The following EML4 variants were observed in gnomAD, a reference collection of about 807,000 sequenced individuals.
EML4 encodes EMAP like 4, also known as echinoderm microtubule-associated protein-like 4.
EML4 carries 72 observed loss-of-function variants against 129.0 expected under a neutral mutation model. That is an observed-to-expected ratio of 0.56 (90% CI 0.46 to 0.68). The LOEUF (loss-of-function observed/expected upper bound fraction) is 0.68, where lower values mean the gene tolerates loss of function less well. Among genes scored for constraint, EML4 ranks in the 30% least tolerant of loss-of-function variants. The pLI, the probability that EML4 is intolerant of heterozygous loss-of-function variation, is 0.00. For missense variants in EML4, 1,363 were observed against 1,190.6 expected (o/e 1.14, Z -2.13); for synonymous variants, 532 against 405.0 (o/e 1.31, Z -3.77).
chr2:42,210,065 CTTATATT>C (rs1672797782), intron 1 of EML4, among the ~76,000 whole-genome samples: 1 of 152,128 alleles, frequency 6.6e-6, no homozygotes, highest in African/African-American at 2.4e-5. Flanking sequence ...TTATTAATAT[CTTATATT>C]AGTATGGTAC....
At chr2:42,231,993 C>A (rs1332597657) in intron 1 of EML4, among the ~76,000 whole-genome samples, 4 of 151,866 alleles carry the variant, frequency 2.6e-5, no homozygotes, top group Admixed American at 2.6e-4. Flanking sequence ...AGATAAATTT[C>A]TGGCAGTAAT....
rs145272234 is a variant in EML4, at chr2:42,219,640, G to C, written c.26-25865G>C. Among the ~76,000 whole-genome samples, 989 of 152,238 alleles carry C rather than the reference G, an allele frequency of 6.5e-3. 11 individuals carry two copies. Among genetic ancestry groups the C allele is most frequent in the African/African-American group, 0.022 (932 of 41,546 alleles). On this transcript the variant is annotated intron_variant, in intron 1 of 22. Transcript: ENST00000318522. ...ATGCATTGAAAACCCCTTTCTGGCT[G>C]GGTGCAGTGGCTCACGCCTGTAATC...
chr2:42,192,126 A>G (rs1196190106), intron 1 of EML4, among the ~76,000 whole-genome samples: 20 of 151,360 alleles, frequency 1.3e-4, no homozygotes, highest in Admixed American at 4.6e-4. Flanking sequence ...CTGTCTCAAA[A>G]AAAAAAAAAA....
At chr2:42,316,421 T>G (rs1465478506) in intron 18 of EML4, among the ~76,000 whole-genome samples, 2 of 152,242 alleles carry the variant, frequency 1.3e-5, no homozygotes, top group Non-Finnish European at 2.9e-5. Flanking sequence ...TAAAAGAAAT[T>G]ACAGCGAAAT....
chr2:42,203,640 CTT>C (rs3038374), intron 1 of EML4, among the ~76,000 whole-genome samples: 1 of 141,366 alleles, frequency 7.1e-6, no homozygotes. Flanking sequence ...ATAGCCACCC[CTT>C]TTTTTTTTTT....
chr2:42,315,800 G>A (rs1297865845), intron 17 of EML4, among the ~76,000 whole-genome samples, 162 bp from the exon 18 acceptor site: 1 of 152,134 alleles, frequency 6.6e-6, no homozygotes, highest in Admixed American at 6.5e-5. Flanking sequence ...GGAGGATAGT[G>A]TGAGCCCAGA....
chr2:42,261,235 A>C lies in EML4; in HGVS notation c.453A>C (p.Ser151=). 1 of 1,614,112 alleles carries C rather than the reference A, an allele frequency of 6.2e-7. No individual in the cohort carries two copies. The highest frequency in any genetic ancestry group is 8.5e-7 in the Non-Finnish European group (1 of 1,179,980). ...IRASPSPQPS[S]QPLQIHRQTP... is the part of the protein sequence containing the mutation. ...CATCACCTTCTCCCCAGCCCTCTTCACAACCTCTCCAAATACACAGACAAA... is the reference window on the plus strand; with the variant it reads ...CATCACCTTCTCCCCAGCCCTCTTCCCAACCTCTCCAAATACACAGACAAA... Residue 151 remains serine (S), a synonymous_variant, in exon 4 of 23, where the codon TCA becomes TCC. Transcript: ENST00000318522.
chr2:42,318,497 TCA>T (rs1391482049), intron 19 of EML4, among the ~76,000 whole-genome samples: 1 of 152,182 alleles, frequency 6.6e-6, no homozygotes, highest in Non-Finnish European at 1.5e-5. Context: ...ACAAACAACT[TCA>T]GAGTTTAGAA....
At chr2:42,232,307 A>G (rs920688107) in intron 1 of EML4, among the ~76,000 whole-genome samples, 2 of 152,186 alleles carry the variant, frequency 1.3e-5, no homozygotes, top group African/African-American at 4.8e-5. Flanking sequence ...TTTTTGTTAT[A>G]TGCTAATTAG....
At chr2:42,250,691 G>C (rs1675709817) in intron 2 of EML4, among the ~76,000 whole-genome samples, 1 of 151,996 alleles carries the variant, frequency 6.6e-6, no homozygotes, top group African/African-American at 2.4e-5. Context: ...CAACTTTTTT[G>C]GCACTAGGGA....
At chr2:42,295,048 A>T in intron 11 of EML4, 77 bp from the exon 12 acceptor site, 2 of 1,307,268 alleles carry the variant, frequency 1.5e-6, no homozygotes, top group Non-Finnish European at 2.1e-6. Flanking sequence ...CGTTAATTGT[A>T]AGTAGCAGTA....
At chr2:42,220,242 T>C (rs1443637973) in intron 1 of EML4, among the ~76,000 whole-genome samples, 2 of 31,730 alleles carry the variant, frequency 6.3e-5, no homozygotes, top group African/African-American at 9.7e-5. Flanking sequence ...CTGTATTTTT[T>C]TTTTTTTTTT....
chr2:42,317,508 G>A lies in EML4; in HGVS notation c.2138G>A (p.Arg713Lys). 6.2e-7 allele frequency: 1 copy of A among 1,608,202 alleles called. No individual in the cohort carries two copies. Among genetic ancestry groups the A allele is most frequent in the Non-Finnish European group, 8.5e-7 (1 of 1,176,428 alleles). Residue 713 changes from arginine (R) to lysine (K), a missense_variant, in exon 19 of 23, where the codon AGA (arginine) becomes AAA (lysine). Arg to Lys is a conservative substitution (Grantham distance 26, BLOSUM62 2). Transcript: ENST00000318522. Reference protein sequence around the residue: ...VVSENGRKYSRYGRCTGHSSY... With the variant: ...VVSENGRKYSKYGRCTGHSSY... ...TCTGAAAATGGAAGAAAATATAGCA[G>A]ATATGGAAGGTGCACTGTAAGTAGT...
chr2:42,240,863 G>A (rs1462606014), intron 1 of EML4, among the ~76,000 whole-genome samples: 1 of 152,138 alleles, frequency 6.6e-6, no homozygotes, highest in Admixed American at 6.6e-5. Context: ...ACAGATGGCC[G>A]GGCGTGGTGG....
chr2:42,234,938 C>T (rs1674565715), intron 1 of EML4, among the ~76,000 whole-genome samples: 1 of 152,212 alleles, frequency 6.6e-6, no homozygotes, highest in African/African-American at 2.4e-5. Context: ...GGGTGGATCA[C>T]TGGAGGCCAG....
intron 6 of EML4, among the ~76,000 whole-genome samples, chr2:42,266,399 T>A (rs1025857171): frequency 1.3e-5 from 2 of 152,164 alleles, no homozygotes; most frequent in African/African-American, 4.8e-5. Flanking sequence ...CCGGCTGGAG[T>A]GCAGTCACTG....
intron 6 of EML4, among the ~76,000 whole-genome samples, chr2:42,270,384 C>T (rs1666301074): frequency 6.6e-6 from 1 of 152,136 alleles, no homozygotes; most frequent in Non-Finnish European, 1.5e-5. Flanking sequence ...CATGGCAAAA[C>T]CCCATCTCTA....
intron 1 of EML4, among the ~76,000 whole-genome samples, chr2:42,185,648 G>T (rs1671205796): frequency 6.6e-6 from 1 of 152,138 alleles, no homozygotes; most frequent in African/African-American, 2.4e-5. Context: ...GATGAAGGCA[G>T]GAGAGGACCA....
rs765716545 is a variant in EML4 at position 42,303,464 on chromosome 2, T to G, written c.1899+18T>G. ...TGGTAGATGTGAGTGAAGCAGGATG[T>G]GATTATTAACCTCCCCACAGAAACT... On this transcript the variant is annotated intron_variant, in intron 16 of 22. Coordinates refer to ENST00000318522, the MANE Select transcript of EML4 (RefSeq NM_019063.5). The G allele has an allele frequency of 6.2e-7, 1 of 1,610,112 alleles. No individual in the cohort carries two copies. The highest frequency in any genetic ancestry group is 1.7e-5 in the Admixed American group (1 of 59,736).
Sources: gnomAD v4.1 joint callset for allele counts (sites outside exome capture counted in the v4.1 genomes callset) on GRCh38, gnomAD v4.1.1 for gene constraint, MANE v1.5 for transcripts, NCBI Gene and HGNC (gene_info 2026-07-23, HGNC 2026-07-21) for gene names.